The following ASS1 variants were observed in gnomAD, a reference collection of about 807,000 sequenced individuals.
The protein encoded by ASS1 is argininosuccinate synthase 1, also known as argininosuccinate synthase.
Under a neutral mutation model 60.5 loss-of-function variants are expected in ASS1, and 58 were observed. The observed-to-expected ratio is 0.96, with a 90% CI of 0.78 to 1.19. ASS1 has a LOEUF of 1.19. Ranked by LOEUF, ASS1 falls within the 50% of genes most tolerant of loss-of-function variation. The pLI is 0.00. For synonymous variants in ASS1, 200 were observed against 206.9 expected (o/e 0.97, Z 0.29); for missense variants, 454 against 547.3 (o/e 0.83, Z 1.70).
intron 11 of ASS1, among the ~76,000 whole-genome samples, chr9:130,486,160 T>C (rs1452174138): frequency 6.6e-6 from 1 of 152,132 alleles, no homozygotes; most frequent in East Asian, 1.9e-4. Flanking sequence ...GGGGTCTCCC[T>C]ATATTGCCTG....
At chr9:130,457,183 C>T (rs763781536) in intron 3 of ASS1, among the ~76,000 whole-genome samples, 2 of 152,202 alleles carry the variant, frequency 1.3e-5, no homozygotes, top group Admixed American at 6.5e-5. Flanking sequence ...TCTGCATTCA[C>T]TTGTTTTTTC....
In ASS1 at chr9:130,477,504, C is replaced by G. The variant is rs1846050007; in HGVS notation, c.688+543C>G. Reference sequence around the variant, plus strand: ...CCCCACGTTCAAAGCTGCGGCCACTCTTGCTCCCCTCGGCAGTGGAGGCTG... The same window carrying G: ...CCCCACGTTCAAAGCTGCGGCCACTGTTGCTCCCCTCGGCAGTGGAGGCTG... On this transcript the variant is annotated intron_variant, in intron 9 of 14. Coordinates refer to ENST00000352480, the MANE Select transcript of ASS1 (RefSeq NM_054012.4). This position sits in a 1 kb window ranked among gnomAD's most constrained non-coding sequence, Gnocchi z 4.2. Among the ~76,000 whole-genome samples, 2 of 152,220 alleles carry G rather than the reference C, an allele frequency of 1.3e-5. No individual in the cohort carries two copies. The highest frequency in any genetic ancestry group is 1.3e-4 in the Admixed American group (2 of 15,280).
intron 8 of ASS1, among the ~76,000 whole-genome samples, chr9:130,472,929 C>T (rs993629058): frequency 6.6e-6 from 1 of 152,166 alleles, no homozygotes; most frequent in African/African-American, 2.4e-5. Context: ...GAGGCCCCCC[C>T]AGAATAGAGG....
chr9:130,454,268 C>A (rs537497392), intron 2 of ASS1, 37 bp from the exon 3 acceptor site: 7 of 1,598,250 alleles, frequency 4.4e-6, no homozygotes, highest in South Asian at 2.2e-5. Context: ...GGGCTCCCCC[C>A]AGGGGCTGAC....
At position 130,465,916 on chromosome 9, in the gene ASS1, G is replaced by A. The variant is rs1229884144; in HGVS notation, c.421-809G>A. ...TGGGGCCAGGGTGTCCAGTTTCGAG[G>A]TCTTTGTCTGCAGAGGCCAAGCCCA... On this transcript the variant is annotated intron_variant, in intron 5 of 14. Transcript: ENST00000352480. Among the ~76,000 whole-genome samples the A allele has an allele frequency of 2.6e-5, 4 of 152,296 alleles. No individual in the cohort carries two copies. In the East Asian group the frequency reaches 7.8e-4, roughly 30 times the overall value.
intron 6 of ASS1, among the ~76,000 whole-genome samples, chr9:130,469,386 C>A (rs1038066348): frequency 1.3e-5 from 2 of 151,870 alleles, no homozygotes; most frequent in African/African-American, 4.8e-5. Flanking sequence ...CTCTTAGGGG[C>A]CCTTAGTGAT....
chr9:130,446,752 C>G (rs1313027059), intron 1 of ASS1, among the ~76,000 whole-genome samples: 1 of 152,196 alleles, frequency 6.6e-6, no homozygotes, highest in East Asian at 1.9e-4. Context: ...TGCTGGGAGG[C>G]CAGCCAGGTC....
chr9:130,472,545 G>A (rs913710438), intron 8 of ASS1, among the ~76,000 whole-genome samples: 1 of 152,176 alleles, frequency 6.6e-6, no homozygotes, highest in Non-Finnish European at 1.5e-5. Context: ...CTCAGGGCGA[G>A]GGAACGGGCC....
chr9:130,460,968 G>A (rs1246516521), intron 4 of ASS1, among the ~76,000 whole-genome samples: 1 of 151,970 alleles, frequency 6.6e-6, no homozygotes, highest in African/African-American at 2.4e-5. Context: ...GGTGGCAGAG[G>A]AGGAGAACCC....
intron 3 of ASS1, 29 bp from the exon 4 acceptor site, chr9:130,458,372 T>A: frequency 1.2e-6 from 2 of 1,611,948 alleles, no homozygotes; most frequent in Non-Finnish European, 1.7e-6. Context: ...CCTTGCCTAC[T>A]TCTTCCTTCT....
In ASS1 at chr9:130,491,249, C is replaced by T. The variant is rs1317682389; in HGVS notation, c.970+1785C>T. 6.6e-6 allele frequency among the ~76,000 whole-genome samples: 1 copy of T among 152,136 alleles called. No individual in the cohort carries two copies. The highest frequency in any genetic ancestry group is 1.5e-5 in the Non-Finnish European group (1 of 68,024). On this transcript the variant is annotated intron_variant, in intron 12 of 14. Coordinates refer to ENST00000352480, the MANE Select transcript of ASS1 (RefSeq NM_054012.4). This position sits in a 1 kb window ranked among gnomAD's most constrained non-coding sequence, Gnocchi z 5.3. Reference sequence around the variant, plus strand: ...CAGGCTTTCCAGCCCGGCGGGATTGCGACCCCGAAAGGAGGATTTTAGTTA... The same window carrying T: ...CAGGCTTTCCAGCCCGGCGGGATTGTGACCCCGAAAGGAGGATTTTAGTTA...
intron 12 of ASS1, among the ~76,000 whole-genome samples, chr9:130,492,090 G>A (rs1846462753): frequency 6.6e-6 from 1 of 152,230 alleles, no homozygotes; most frequent in African/African-American, 2.4e-5. Flanking sequence ...TATTTGTAAA[G>A]CACCTGGAAC....
chr9:130,452,192 G>C (rs770633964), intron 1 of ASS1, 32 bp from the exon 2 acceptor site: 3 of 1,591,686 alleles, frequency 1.9e-6, no homozygotes, highest in East Asian at 2.2e-5. Flanking sequence ...GCTGTCTCAG[G>C]GTCACTCAGG....
chr9:130,495,741 G>A (rs886483881), intron 13 of ASS1, among the ~76,000 whole-genome samples: 69 of 152,170 alleles, frequency 4.5e-4, no homozygotes, highest in Admixed American at 3.3e-3. Flanking sequence ...GTGGAAATGC[G>A]GTAGCTTGGA....
At chr9:130,498,251 C>T (rs1233087624) in intron 13 of ASS1, among the ~76,000 whole-genome samples, 2 of 152,190 alleles carry the variant, frequency 1.3e-5, no homozygotes, top group Non-Finnish European at 2.9e-5. Flanking sequence ...CTCCCAACAC[C>T]GACCCCCGCT....
rs911057476 is a variant in ASS1, at chr9:130,489,017, G to A, written c.839-316G>A. Among the ~76,000 whole-genome samples, 14 of 152,124 alleles carry A rather than the reference G, an allele frequency of 9.2e-5. No individual in the cohort carries two copies. The highest frequency in any genetic ancestry group is 7.2e-4 in the Admixed American group (11 of 15,278). On this transcript the variant is annotated intron_variant, in intron 11 of 14. Transcript: ENST00000352480. This position sits in a 1 kb window ranked among gnomAD's most constrained non-coding sequence, Gnocchi z 4.1. ...GCTTTAATTACAGGCTTTCAACCTCGGGCCGGTGGGCACGCATGGGGAGGG... is the reference window on the plus strand; with the variant it reads ...GCTTTAATTACAGGCTTTCAACCTCAGGCCGGTGGGCACGCATGGGGAGGG...
At position 130,478,844 on chromosome 9, in the gene ASS1, C is replaced by T. The variant is rs997999802; in HGVS notation, c.689-872C>T. ...GGGTTAAGAATGGCGAGGCTGACAG[C>T]GCCTTGAGTGAAGCCCCTCCAAGCG... On this transcript the variant is annotated intron_variant, in intron 9 of 14. Transcript: ENST00000352480. This position sits in a 1 kb window ranked among gnomAD's most constrained non-coding sequence, Gnocchi z 4.7. 3.9e-5 allele frequency among the ~76,000 whole-genome samples: 6 copies of T among 152,148 alleles called. No homozygotes were observed. The highest frequency in any genetic ancestry group is 4.8e-5 in the African/African-American group (2 of 41,422).
At position 130,459,868 on chromosome 9, in the gene ASS1, G is replaced by T. The variant is rs1243406840; in HGVS notation, c.363+1279G>T. Among the ~76,000 whole-genome samples the T allele has an allele frequency of 6.6e-6, 1 of 152,242 alleles. No individual in the cohort carries two copies. The highest frequency in any genetic ancestry group is 2.4e-5 in the African/African-American group (1 of 41,454). ...CCTTCCCTCCGGGCCGTGTGTCCCA[G>T]TGCAGACTGCGGGGTCCCCGTGGGG... On this transcript the variant is annotated intron_variant, in intron 4 of 14. Coordinates refer to ENST00000352480, the MANE Select transcript of ASS1 (RefSeq NM_054012.4). The surrounding 1 kb of genome is among the most constrained non-coding windows in gnomAD (Gnocchi z 4.6).
chr9:130,451,641 T>G, intron 1 of ASS1: 1 of 358,422 alleles, frequency 2.8e-6, no homozygotes, highest in South Asian at 2.1e-5. Context: ...CACAGATTCT[T>G]GTGCCCTCTG....
Sources: allele counts gnomAD v4.1 joint callset (sites outside exome capture counted in the v4.1 genomes callset), GRCh38; gene constraint gnomAD v4.1.1; non-coding constraint Gnocchi (gnomAD v3.1); transcripts MANE v1.5; gene names NCBI Gene and HGNC (gene_info 2026-07-23, HGNC 2026-07-21).